Variants in RBBP5 observed in about 807,000 individuals in gnomAD.
RBBP5 encodes retinoblastoma-binding protein 5.
Under a neutral mutation model 72.2 loss-of-function variants are expected in RBBP5, and 5 were observed. The observed-to-expected ratio is 0.07, with a 90% CI of 0.04 to 0.15. The LOEUF is 0.15. Among genes scored for constraint, RBBP5 ranks in the 10% least tolerant of loss-of-function variants. The pLI is 1.00. For missense variants in RBBP5, 322 were observed against 652.2 expected (o/e 0.49, Z 5.51); for synonymous variants, 209 against 237.2 (o/e 0.88, Z 1.09).
At chr1:205,108,787 G>C (rs767835051) in intron 3 of RBBP5, among the ~76,000 whole-genome samples, 1 of 152,104 alleles carries the variant, frequency 6.6e-6, no homozygotes, top group Non-Finnish European at 1.5e-5. Context: ...TGTGATCTTA[G>C]CACGTTACTT....
At chr1:205,101,495 T>TA (rs1462356839) in intron 6 of RBBP5, 105 bp downstream of exon 6, 14 of 747,398 alleles carry the variant, frequency 1.9e-5, no homozygotes, top group Admixed American at 3.1e-5. Flanking sequence ...AGTACATTTT[T>TA]AAAAAATGCT....
In RBBP5 at chr1:205,088,778, CGAA is replaced by C. The variant is rs1558567880; in HGVS notation, c.*6_*8del. The C allele has an allele frequency of 1.3e-6, 2 of 1,592,770 alleles. No individual in the cohort carries two copies. Among genetic ancestry groups the C allele is most frequent in the South Asian group, 2.3e-5 (2 of 88,478 alleles). On this transcript the variant is annotated 3_prime_UTR_variant, in exon 14 of 14. Coordinates refer to ENST00000264515, the MANE Select transcript of RBBP5 (RefSeq NM_005057.4). The stretch of plus-strand genomic sequence containing the variant: ...CAAAGTGAGAAAGAATGAAGAACTT[CGAA>C]GGTCTTCATAACAGTTCTGAGATTG...
At chr1:205,115,819 T>A in intron 2 of RBBP5, 39 bp downstream of exon 2, 2 of 1,555,010 alleles carry the variant, frequency 1.3e-6, no homozygotes, top group South Asian at 2.4e-5. Context: ...ACCCAGAAGT[T>A]ACTATGTTCC....
Position 205,099,632 on chromosome 1 carries a change from A to C in RBBP5, c.978+109T>G. 8.4e-7 allele frequency: 1 copy of C among 1,189,746 alleles called. No individual in the cohort carries two copies. Among genetic ancestry groups the C allele is most frequent in the South Asian group, 1.5e-5 (1 of 66,384 alleles). 73.7% of individuals were successfully genotyped at this position (1,189,746 alleles called of 1,614,324 possible). On this transcript the variant is annotated intron_variant, in intron 9 of 13. Coordinates refer to ENST00000264515, the MANE Select transcript of RBBP5 (RefSeq NM_005057.4). The surrounding 1 kb of genome is among the most constrained non-coding windows in gnomAD (Gnocchi z 4.7). ...AACCTATGTAATTTAGGTTGCGAGA[A>C]TCATATGCAAAAGAAAATAAAAATG...
At chr1:205,119,876 T>C (rs551373535) in intron 1 of RBBP5, among the ~76,000 whole-genome samples, 7 of 152,256 alleles carry the variant, frequency 4.6e-5, no homozygotes, top group South Asian at 2.1e-4. Flanking sequence ...TTTTCTTTTC[T>C]CCCCCTCCCA....
At chr1:205,107,715 G>T (rs1369796078) in intron 3 of RBBP5, among the ~76,000 whole-genome samples, 2 of 152,154 alleles carry the variant, frequency 1.3e-5, no homozygotes, top group African/African-American at 4.8e-5. Context: ...GGAGGCCAAG[G>T]TAGGTGGATC....
At chr1:205,104,124 C>T (rs1389375076) in intron 4 of RBBP5, 105 bp from the exon 5 acceptor site, 1 of 1,217,892 alleles carries the variant, frequency 8.2e-7, no homozygotes, top group Non-Finnish European at 1.1e-6. Context: ...AATTCTCCCA[C>T]CCAAGCAAAT....
chr1:205,113,605 C>G (rs1257467396), intron 3 of RBBP5, among the ~76,000 whole-genome samples: 3 of 151,684 alleles, frequency 2.0e-5, no homozygotes, highest in Admixed American at 1.3e-4. Context: ...TTGCACAACT[C>G]TGAATATATA....
At chr1:205,105,236 G>C (rs1656008201) in intron 3 of RBBP5, 68 bp from the exon 4 acceptor site, 4 of 1,532,954 alleles carry the variant, frequency 2.6e-6, no homozygotes, top group Admixed American at 1.7e-5. Context: ...TGAATAAACT[G>C]TGTAAGTCAC....
In RBBP5 at chr1:205,099,961, G is replaced by A. The variant is rs771847823; in HGVS notation, c.856C>T (p.Leu286=). The change falls in exon 8 of 14, where the codon CTG becomes TTG. Residue 286 remains leucine, a synonymous_variant. Transcript: ENST00000264515. The surrounding 1 kb of genome is among the most constrained non-coding windows in gnomAD (Gnocchi z 4.7). ...LYIWEKSIGN[L]VKILHGTRGE... ...CTCGTCCCATGGAGAATCTTCACCA[G>A]GTTGCCAATGCTCTTCTCCCAGATG... The A allele has an allele frequency of 1.2e-6, 2 of 1,614,216 alleles. No individual in the cohort carries two copies. Among genetic ancestry groups the A allele is most frequent in the East Asian group, 4.5e-5 (2 of 44,890 alleles).
In RBBP5 at chr1:205,087,695, C is replaced by T. The variant is rs1200452259; in HGVS notation, c.*1092G>A. On this transcript the variant is annotated 3_prime_UTR_variant, in exon 14 of 14. Transcript: ENST00000264515. The stretch of plus-strand genomic sequence containing the variant: ...GAGAATTTCAAACACCAAATGTACA[C>T]ATCTATCCAATCTGTTATTTTTATA... 1 of 145,170 alleles carries T rather than the reference C, an allele frequency of 6.9e-6. No individual in the cohort carries two copies. The highest frequency in any genetic ancestry group is 2.5e-5 in the African/African-American group (1 of 39,774). 9.0% of individuals were successfully genotyped at this position (145,170 alleles called of 1,614,324 possible).
chr1:205,090,659 G>C (rs1431484228), intron 13 of RBBP5, among the ~76,000 whole-genome samples: 1 of 152,160 alleles, frequency 6.6e-6, no homozygotes, highest in Admixed American at 6.5e-5. Context: ...CTCCAGTAAT[G>C]TAACAGGTAG....
chr1:205,113,691 T>TC (rs61036585), intron 3 of RBBP5, among the ~76,000 whole-genome samples: 48,051 of 150,826 alleles, frequency 0.32, 9,026 homozygotes, highest in Non-Finnish European at 0.44. Flanking sequence ...TGTGTATTTT[T>TC]TTTTTTTTTT....
Position 205,096,863 on chromosome 1 carries a change from G to A in RBBP5, c.1215C>T (p.Ala405=). 1.2e-6 allele frequency: 2 copies of A among 1,613,886 alleles called. No homozygotes were observed. Among genetic ancestry groups the A allele is most frequent in the Non-Finnish European group, 1.7e-6 (2 of 1,179,924 alleles). ...DSKALLYLPI[A]PEVEDPEENP... The stretch of plus-strand genomic sequence containing the variant: ...TTTCTTCTGGGTCTTCTACCTCAGG[G>A]GCAATGGGTAAATACAATAGAGCCT... The change falls in exon 12 of 14, where the codon GCC becomes GCT. Residue 405 remains alanine (A), a synonymous_variant. Transcript: ENST00000264515.
chr1:205,092,379 G>A (rs984664973), intron 13 of RBBP5, among the ~76,000 whole-genome samples: 1 of 151,904 alleles, frequency 6.6e-6, no homozygotes, highest in Non-Finnish European at 1.5e-5. Context: ...GAATTCCTGG[G>A]CTCAAGCAAT....
chr1:205,093,513 TATATATATATATATATATATAC>T (rs1558570410), intron 13 of RBBP5, among the ~76,000 whole-genome samples: 27 of 9,952 alleles, frequency 2.7e-3, no homozygotes, highest in African/African-American at 0.012. Flanking sequence ...TATATATATA[TATATATATATATATATATATAC>T]ACACACACAC....
intron 1 of RBBP5, among the ~76,000 whole-genome samples, chr1:205,119,324 A>G (rs1370925027): frequency 6.6e-6 from 1 of 152,160 alleles, no homozygotes; most frequent in East Asian, 1.9e-4. Flanking sequence ...TGAACTTGGG[A>G]AGCGCAAGTT....
intron 12 of RBBP5, 147 bp from the exon 13 acceptor site, chr1:205,095,211 T>C (rs761359106): frequency 3.8e-6 from 3 of 790,296 alleles, no homozygotes; most frequent in Non-Finnish European, 5.9e-6. Context: ...TCTATAAGTA[T>C]AAAACAGTGG....
intron 3 of RBBP5, among the ~76,000 whole-genome samples, chr1:205,113,405 T>G (rs1217825817): frequency 6.6e-6 from 1 of 151,762 alleles, no homozygotes; most frequent in African/African-American, 2.4e-5. Context: ...TTCAGCTTCC[T>G]AAGTAGCCAG....
Sources: allele counts gnomAD v4.1 joint callset (sites outside exome capture counted in the v4.1 genomes callset), GRCh38; gene constraint gnomAD v4.1.1; non-coding constraint Gnocchi (gnomAD v3.1); transcripts MANE v1.5; gene names NCBI Gene and HGNC (gene_info 2026-07-23, HGNC 2026-07-21).